HELQ: variants seen among roughly 807,000 people sequenced by gnomAD.
The protein encoded by HELQ is helicase POLQ-like.
HELQ carries 77 observed loss-of-function variants against 111.6 expected under a neutral mutation model. The observed-to-expected ratio is 0.69, with a 90% CI of 0.57 to 0.83. The LOEUF is 0.83. HELQ is among the 40% of genes least tolerant of loss of function. The pLI is 0.00. For synonymous variants in HELQ, 438 were observed against 454.7 expected (o/e 0.96, Z 0.47); for missense variants, 1,200 against 1,288.5 (o/e 0.93, Z 1.05).
chr4:83,427,898 G>C (rs909175080), intron 12 of HELQ, among the ~76,000 whole-genome samples, 178 bp from the exon 13 acceptor site: 3 of 152,106 alleles, frequency 2.0e-5, no homozygotes, highest in Admixed American at 2.0e-4. Flanking sequence ...CACTTTATAA[G>C]TACATACCTT....
At chr4:83,414,603 C>A (rs1739269138) in intron 17 of HELQ, among the ~76,000 whole-genome samples, 1 of 152,094 alleles carries the variant, frequency 6.6e-6, no homozygotes, top group African/African-American at 2.4e-5. Context: ...GCCATTTGAG[C>A]ACCAAAATAA....
intron 13 of HELQ, among the ~76,000 whole-genome samples, chr4:83,426,824 C>T (rs144949633): frequency 0.011 from 1,673 of 152,262 alleles, 26 homozygotes; most frequent in African/African-American, 0.039. Flanking sequence ...CCTTGGCCTC[C>T]CAAAGTGCTG....
chr4:83,455,367 T>C (rs370775971), intron 1 of HELQ, 30 bp downstream of exon 1: 36 of 1,599,154 alleles, frequency 2.3e-5, no homozygotes, highest in Middle Eastern at 3.3e-4. Context: ...TGCCAAAAGT[T>C]TGCAGTTTCA....
chr4:83,455,321 C>T lies in HELQ; in HGVS notation c.297+76G>A. ...CGAAGACGAGAGAAGTAAACGAAGGCGATAAAACTGGTCAACTCTTTGCAT... is the reference window on the plus strand; with the variant it reads ...CGAAGACGAGAGAAGTAAACGAAGGTGATAAAACTGGTCAACTCTTTGCAT... On this transcript the variant is annotated intron_variant, in intron 1 of 17. Transcript: ENST00000295488. 5 of 1,562,046 alleles carry T rather than the reference C, an allele frequency of 3.2e-6. No individual in the cohort carries two copies. In the African/African-American group the frequency reaches 4.1e-5, roughly 13 times the overall value.
At chr4:83,433,305 A>C (rs1720254546) in intron 9 of HELQ, among the ~76,000 whole-genome samples, 1 of 152,204 alleles carries the variant, frequency 6.6e-6, no homozygotes, top group Non-Finnish European at 1.5e-5. Flanking sequence ...TAGGGATCAG[A>C]AGAGAACTTT....
chr4:83,411,043 C>A (rs1377265085), intron 17 of HELQ, among the ~76,000 whole-genome samples: 1 of 150,114 alleles, frequency 6.7e-6, no homozygotes, highest in Non-Finnish European at 1.5e-5. Flanking sequence ...GCCTGTGGTC[C>A]CAGCTACTTG....
intron 9 of HELQ, among the ~76,000 whole-genome samples, chr4:83,432,545 A>G (rs560174923): frequency 1.3e-5 from 2 of 152,314 alleles, no homozygotes; most frequent in African/African-American, 4.8e-5. Context: ...AAAAATTAGT[A>G]ATTACCAGAG....
intron 5 of HELQ, among the ~76,000 whole-genome samples, chr4:83,445,456 G>T (rs1721001378): frequency 6.6e-6 from 1 of 151,988 alleles, no homozygotes; most frequent in South Asian, 2.1e-4. Context: ...GGTAAATATT[G>T]CAATAGCATA....
intron 15 of HELQ, among the ~76,000 whole-genome samples, chr4:83,421,059 C>T (rs977298226): frequency 2.6e-5 from 4 of 152,190 alleles, no homozygotes; most frequent in African/African-American, 4.8e-5. Flanking sequence ...GATCCACCTG[C>T]CTCAGCCTCC....
chr4:83,455,494 A>C lies in HELQ; in HGVS notation c.200T>G (p.Leu67Arg). The C allele has an allele frequency of 6.2e-7, 1 of 1,614,184 alleles. No homozygotes were observed. The highest frequency in any genetic ancestry group is 8.5e-7 in the Non-Finnish European group (1 of 1,180,030). ...GVLPVEVQPLLLSDSPECLVL... is the reference protein window; with the variant it reads ...GVLPVEVQPLRLSDSPECLVL... ...GAGACATTCCGGGGAATCTGAGAGT[A>C]GAAGGGGCTGTACCTCAACCGGCAG... The change falls in exon 1 of 18, where the codon CTA (leucine) becomes CGA (arginine). Residue 67 changes from leucine (L) to arginine (R), a missense_variant. By Grantham distance (102) the Leu-to-Arg change is moderately radical (BLOSUM62 -2). Around this residue, in one of 3 missense-constraint regions of HELQ, gnomAD observed 610 missense variants for 607.1 expected, o/e 1.00. Coordinates refer to ENST00000295488, the MANE Select transcript of HELQ (RefSeq NM_133636.5).
At chr4:83,414,074 T>C (rs902889683) in intron 17 of HELQ, among the ~76,000 whole-genome samples, 1 of 152,196 alleles carries the variant, frequency 6.6e-6, no homozygotes, top group African/African-American at 2.4e-5. Flanking sequence ...CGTATGTACG[T>C]GGAAAAATCA....
chr4:83,452,568 TACC>T (rs1355030404), intron 2 of HELQ, among the ~76,000 whole-genome samples: 2 of 152,170 alleles, frequency 1.3e-5, no homozygotes, highest in Non-Finnish European at 2.9e-5. Context: ...GTCAAAGACA[TACC>T]ACAACAGCTA....
chr4:83,448,405 C>T (rs1207857407), intron 3 of HELQ, among the ~76,000 whole-genome samples: 1 of 152,150 alleles, frequency 6.6e-6, no homozygotes, highest in Non-Finnish European at 1.5e-5. Context: ...CGCAGTGGCT[C>T]ATGCCTGTAA....
chr4:83,455,229 CA>C, intron 1 of HELQ, 167 bp downstream of exon 1: 1 of 1,379,124 alleles, frequency 7.3e-7, no homozygotes, highest in Non-Finnish European at 9.6e-7. Context: ...GTTTACATTT[CA>C]TATTTATATA....
At chr4:83,412,930 G>A (rs1739178168) in intron 17 of HELQ, among the ~76,000 whole-genome samples, 1 of 152,186 alleles carries the variant, frequency 6.6e-6, no homozygotes, top group Non-Finnish European at 1.5e-5. Context: ...GGGTCTTGCT[G>A]GGTTTCCCCA....
Position 83,407,531 on chromosome 4 carries a change from C to A in HELQ, c.3228G>T (p.Leu1076=), listed in dbSNP as rs375833853. The change falls in exon 18 of 18, where the codon CTG becomes CTT. Residue 1076 remains leucine (L), a synonymous_variant. Transcript: ENST00000295488. ...TTAGTAACTCTTCTACCTCTTCTTG[C>A]AGGGCTTCTGCTTTTTCATGCAACA... ...KMLLHEKAEA[L]QEEVEELLRL... 2.5e-6 allele frequency: 4 copies of A among 1,611,634 alleles called. No homozygotes were observed. In the African/African-American group the frequency reaches 5.3e-5, roughly 22 times the overall value.
chr4:83,410,483 C>T (rs1189341482), intron 17 of HELQ, among the ~76,000 whole-genome samples: 1 of 151,746 alleles, frequency 6.6e-6, no homozygotes, highest in Admixed American at 6.6e-5. Context: ...AACAATTCTG[C>T]AGTTACTTTC....
At chr4:83,425,308 A>T (rs1719789189) in intron 14 of HELQ, among the ~76,000 whole-genome samples, 1 of 150,872 alleles carries the variant, frequency 6.6e-6, no homozygotes, top group Admixed American at 6.6e-5. Flanking sequence ...GGTGTGGGGG[A>T]AAATGGAAGG....
intron 15 of HELQ, 51 bp from the exon 16 acceptor site, chr4:83,418,257 A>G: frequency 8.8e-7 from 1 of 1,137,410 alleles, no homozygotes; most frequent in Middle Eastern, 2.3e-4. Flanking sequence ...AGTTATTTCA[A>G]AGTTTGGTTT....
Sources: gnomAD v4.1 joint callset for allele counts (sites outside exome capture counted in the v4.1 genomes callset) on GRCh38, gnomAD v4.1.1 for gene constraint, gnomAD v4.1.1 regional missense constraint, MANE v1.5 for transcripts, NCBI Gene and HGNC (gene_info 2026-07-23, HGNC 2026-07-21) for gene names.